The following UPK1B variants were observed in gnomAD, a reference collection of about 807,000 sequenced individuals.
UPK1B encodes uroplakin 1B, also known as uroplakin-1b.
A neutral mutation model predicts 34.2 loss-of-function variants in UPK1B; 28 were observed. The observed-to-expected ratio is 0.82, with a 90% CI of 0.61 to 1.12. UPK1B has a LOEUF of 1.12. Among genes scored for constraint, UPK1B ranks in the 50% most tolerant of loss-of-function variants. The pLI is 0.00. For synonymous variants in UPK1B, 81 were observed against 110.4 expected (o/e 0.73, Z 1.67); for missense variants, 325 against 320.9 (o/e 1.01, Z -0.10).
chr3:119,198,042 G>A (rs1318746456), intron 6 of UPK1B, among the ~76,000 whole-genome samples: 1 of 152,180 alleles, frequency 6.6e-6, no homozygotes, highest in East Asian at 1.9e-4. Context: ...TGAAGGATGA[G>A]TAGATGACAA....
At chr3:119,175,799 G>A (rs1017912651) in intron 1 of UPK1B, among the ~76,000 whole-genome samples, 1 of 152,206 alleles carries the variant, frequency 6.6e-6, no homozygotes, top group African/African-American at 2.4e-5. Context: ...GGGAGTGCTT[G>A]AGATGTGGTT....
intron 1 of UPK1B, among the ~76,000 whole-genome samples, chr3:119,180,993 T>C (rs1362472535): frequency 6.6e-6 from 1 of 152,264 alleles, no homozygotes; most frequent in Non-Finnish European, 1.5e-5. Flanking sequence ...ACACAGACTT[T>C]GTAAGGTCAG....
intron 1 of UPK1B, among the ~76,000 whole-genome samples, chr3:119,174,117 C>T (rs1157261968): frequency 6.6e-6 from 1 of 152,188 alleles, no homozygotes; most frequent in East Asian, 1.9e-4. Context: ...TCTTGGTCTT[C>T]TTGTCAGAAA....
At chr3:119,190,853 C>G (rs41271387) in intron 4 of UPK1B, 129 bp from the exon 5 acceptor site, 1 of 1,295,278 alleles carries the variant, frequency 7.7e-7, no homozygotes, top group Non-Finnish European at 1.1e-6. Flanking sequence ...GTACTTGGTG[C>G]CTCTGAGTAC....
intron 6 of UPK1B, among the ~76,000 whole-genome samples, chr3:119,198,317 T>C (rs2078075686): frequency 6.6e-6 from 1 of 152,176 alleles, no homozygotes; most frequent in African/African-American, 2.4e-5. Flanking sequence ...TTCCTAGGCA[T>C]TCCCTTTGGT....
chr3:119,186,715 G>A lies in UPK1B; in HGVS notation c.-27G>A, dbSNP rs74483341. Reference sequence around the variant, plus strand: ...GTTATTTGGTAATGCTTTCAACAGTGCCTTCAGCTTGTGGGAAATCCCGAA... The same window carrying A: ...GTTATTTGGTAATGCTTTCAACAGTACCTTCAGCTTGTGGGAAATCCCGAA... On this transcript the variant is annotated splice_region_variant and 5_prime_UTR_variant, in exon 2 of 8. Coordinates refer to ENST00000264234, the MANE Select transcript of UPK1B (RefSeq NM_006952.4). The A allele has an allele frequency of 2.8e-3, 4,509 of 1,612,950 alleles. 112 individuals carry two copies. The African/African-American group carries it at 0.052, about 18-fold the overall frequency.
rs544911113 is a variant in UPK1B, at chr3:119,194,374, C to T, written c.624C>T (p.Gly208=). The T allele has an allele frequency of 2.6e-5, 42 of 1,612,714 alleles. No individual in the cohort carries two copies. The highest frequency in any genetic ancestry group is 3.4e-5 in the Non-Finnish European group (40 of 1,179,702). Residue 208 remains glycine, a synonymous_variant, in exon 6 of 8, where the codon GGC becomes GGT. Coordinates refer to ENST00000264234, the MANE Select transcript of UPK1B (RefSeq NM_006952.4). ...TCAACCTGGAGGCTTGTAAACTAGGCGTGCCTGGTTTTTATCACAATCAGG... is the reference window on the plus strand; with the variant it reads ...TCAACCTGGAGGCTTGTAAACTAGGTGTGCCTGGTTTTTATCACAATCAGG... ...EPLNLEACKL[G]VPGFYHNQGC... is the part of the protein sequence containing the mutation.
At chr3:119,201,802 G>C (rs75665405) in intron 7 of UPK1B, among the ~76,000 whole-genome samples, 8,349 of 152,248 alleles carry the variant, frequency 0.055, 298 homozygotes, top group South Asian at 0.12. Flanking sequence ...CCATGATGAT[G>C]TATTTGACTG....
intron 1 of UPK1B, among the ~76,000 whole-genome samples, chr3:119,185,557 C>T (rs1330897758): frequency 6.6e-6 from 1 of 152,122 alleles, no homozygotes; most frequent in Non-Finnish European, 1.5e-5. Flanking sequence ...GTCTTCCCGC[C>T]TCAGGACTCT....
In UPK1B at chr3:119,196,694, C is replaced by T. The variant is rs190379648; in HGVS notation, c.648+2296C>T. Among the ~76,000 whole-genome samples the T allele has an allele frequency of 2.4e-4, 37 of 151,688 alleles. No individual in the cohort carries two copies. The East Asian group carries it at 6.8e-3, about 28-fold the overall frequency. Reference sequence around the variant, plus strand: ...AGCTGGGACTACAGGTGCACGCAACCACACCCAGCTAATTTTTGTATTTTT... The same window carrying T: ...AGCTGGGACTACAGGTGCACGCAACTACACCCAGCTAATTTTTGTATTTTT... On this transcript the variant is annotated intron_variant, in intron 6 of 7. Transcript: ENST00000264234.
chr3:119,175,007 ATTTTCTTTTTT>A (rs1559898821), intron 1 of UPK1B, among the ~76,000 whole-genome samples: 38 of 39,724 alleles, frequency 9.6e-4, no homozygotes, highest in African/African-American at 2.7e-3. Context: ...TTTTTCTTTT[ATTTTCTTTTTT>A]TTTTTTTTTT....
intron 1 of UPK1B, among the ~76,000 whole-genome samples, chr3:119,184,133 A>T (rs959828729): frequency 2.6e-5 from 4 of 151,976 alleles, no homozygotes; most frequent in Admixed American, 2.6e-4. Context: ...CTTTTCTCCC[A>T]CTTTTATCTG....
chr3:119,199,626 G>T (rs2078082614), intron 7 of UPK1B, among the ~76,000 whole-genome samples: 2 of 152,204 alleles, frequency 1.3e-5, no homozygotes, highest in Non-Finnish European at 2.9e-5. Context: ...TGGAGCGGTG[G>T]TTCTCAGCCC....
intron 6 of UPK1B, among the ~76,000 whole-genome samples, chr3:119,195,791 T>C (rs779545430): frequency 6.6e-6 from 1 of 152,240 alleles, no homozygotes; most frequent in Non-Finnish European, 1.5e-5. Flanking sequence ...TTCATAGTTA[T>C]ACCTTTTTTC....
chr3:119,198,339 TG>T (rs1400619568), intron 6 of UPK1B, among the ~76,000 whole-genome samples: 1 of 152,196 alleles, frequency 6.6e-6, no homozygotes, highest in Middle Eastern at 3.2e-3. Flanking sequence ...CCCAGAGCTT[TG>T]GTAGAGGCTG....
intron 1 of UPK1B, among the ~76,000 whole-genome samples, chr3:119,186,268 TA>T (rs1334996869): frequency 6.6e-6 from 1 of 152,222 alleles, no homozygotes; most frequent in Non-Finnish European, 1.5e-5. Flanking sequence ...TGATAGTTTT[TA>T]AAAGCACCCT....
chr3:119,178,443 G>C (rs2077968793), intron 1 of UPK1B, among the ~76,000 whole-genome samples: 2 of 152,158 alleles, frequency 1.3e-5, no homozygotes, highest in African/African-American at 4.8e-5. Flanking sequence ...ACCTTTGAAG[G>C]GTTCTAAGCA....
rs1024467742 is a variant in UPK1B at position 119,199,153 on chromosome 3, C to T, written c.732+13C>T. 1 of 1,613,784 alleles carries T rather than the reference C, an allele frequency of 6.2e-7. No individual in the cohort carries two copies. The highest frequency in any genetic ancestry group is 8.5e-7 in the Non-Finnish European group (1 of 1,179,790). ...TCTCTGCTGGACTGTGAGTATTTCCCAGCACATATTTTATCTGAGAGGATG... is the reference window on the plus strand; with the variant it reads ...TCTCTGCTGGACTGTGAGTATTTCCTAGCACATATTTTATCTGAGAGGATG... On this transcript the variant is annotated intron_variant, in intron 7 of 7. Coordinates refer to ENST00000264234, the MANE Select transcript of UPK1B (RefSeq NM_006952.4).
chr3:119,184,882 G>A (rs968254875), intron 1 of UPK1B, among the ~76,000 whole-genome samples: 10 of 152,076 alleles, frequency 6.6e-5, no homozygotes, highest in Non-Finnish European at 1.5e-4. Flanking sequence ...GAACTCCTAC[G>A]TTTCACAGTC....
Sources: allele counts gnomAD v4.1 joint callset (sites outside exome capture counted in the v4.1 genomes callset), GRCh38; gene constraint gnomAD v4.1.1; transcripts MANE v1.5; gene names NCBI Gene and HGNC (gene_info 2026-07-23, HGNC 2026-07-21).